Variants in CORO1C observed in about 807,000 individuals in gnomAD.
CORO1C encodes the protein coronin-1C.
CORO1C carries 14 observed loss-of-function variants against 51.2 expected under a neutral mutation model. The ratio of observed to expected loss-of-function variants is 0.27; its 90% confidence interval spans 0.18 to 0.43. The LOEUF (loss-of-function observed/expected upper bound fraction) is 0.43, where lower values mean the gene tolerates loss of function less well. Ranked by LOEUF, CORO1C falls within the 20% of genes least tolerant of loss-of-function variation. The pLI, the probability that CORO1C is intolerant of heterozygous loss-of-function variation, is 1.00. For synonymous variants in CORO1C, 181 were observed against 210.5 expected (o/e 0.86, Z 1.21); for missense variants, 417 against 607.8 (o/e 0.69, Z 3.30).
chr12:108,658,536 G>C lies in CORO1C; in HGVS notation c.630+202C>G, dbSNP rs1234110762. ...AAAAAGGCTACAAAGTGAGAGACTT[G>C]AGTAAAAGCTGGAAAATTTACAACT... is the stretch of plus-strand genomic sequence containing the variant. On this transcript the variant is annotated intron_variant, in intron 5 of 10. Coordinates refer to ENST00000261401, the MANE Select transcript of CORO1C (RefSeq NM_014325.4). The surrounding 1 kb of genome is among the most constrained non-coding windows in gnomAD (Gnocchi z 4.9). 6.6e-6 allele frequency among the ~76,000 whole-genome samples: 1 copy of C among 152,194 alleles called. No individual in the cohort carries two copies. The highest frequency in any genetic ancestry group is 6.5e-5 in the Admixed American group (1 of 15,270).
chr12:108,726,920 T>C (rs1043645110), intron 1 of CORO1C, among the ~76,000 whole-genome samples: 2 of 152,238 alleles, frequency 1.3e-5, no homozygotes, highest in Non-Finnish European at 2.9e-5. Flanking sequence ...CACTCAGTTT[T>C]ACATTTGAGC....
rs935385297 is a variant in CORO1C at position 108,646,722 on chromosome 12, G to C, written c.*681C>G. On this transcript the variant is annotated 3_prime_UTR_variant, in exon 11 of 11. Transcript: ENST00000261401. ...AAGACTCCATGAAATGAGAGCGGTG[G>C]TAATATGAATCCACGTGATTTTTCA... is the stretch of plus-strand genomic sequence containing the variant. 1.3e-5 allele frequency: 2 copies of C among 152,342 alleles called. No individual in the cohort carries two copies. The highest frequency in any genetic ancestry group is 2.9e-5 in the Non-Finnish European group (2 of 68,032). The allele number at this position is 152,342 out of a possible 1,614,324, so 9.4% of individuals were successfully genotyped here.
intron 1 of CORO1C, among the ~76,000 whole-genome samples, chr12:108,713,933 AAT>A (rs1439196571): frequency 2.0e-5 from 3 of 152,220 alleles, no homozygotes; most frequent in African/African-American, 4.8e-5. Flanking sequence ...ACACTTTATA[AAT>A]ATGAGTAAAA....
At chr12:108,654,582 G>T (rs1054106974) in intron 6 of CORO1C, among the ~76,000 whole-genome samples, 172 bp from the exon 7 acceptor site, 7 of 152,034 alleles carry the variant, frequency 4.6e-5, no homozygotes, top group African/African-American at 1.2e-4. Context: ...ACAGCAACAG[G>T]GATGCTAAAT....
chr12:108,678,686 C>A (rs2033997738), intron 2 of CORO1C, among the ~76,000 whole-genome samples: 1 of 136,444 alleles, frequency 7.3e-6, no homozygotes. Context: ...TCTAAATAGC[C>A]AAATTGTAAA....
intron 1 of CORO1C, among the ~76,000 whole-genome samples, chr12:108,702,151 A>AC (rs1223814399): frequency 6.6e-6 from 1 of 152,248 alleles, no homozygotes; most frequent in Non-Finnish European, 1.5e-5. Flanking sequence ...CAGCTTACAC[A>AC]GGAACAAGCT....
At chr12:108,657,015 C>T (rs555900332) in intron 6 of CORO1C, among the ~76,000 whole-genome samples, 43 of 152,038 alleles carry the variant, frequency 2.8e-4, no homozygotes, top group Middle Eastern at 3.4e-3. Context: ...GCCAAATCCC[C>T]CTCTGCAAGA....
chr12:108,714,672 A>C (rs1047189084), intron 1 of CORO1C, among the ~76,000 whole-genome samples: 3 of 152,066 alleles, frequency 2.0e-5, no homozygotes, highest in Non-Finnish European at 2.9e-5. Context: ...TGAGGGCAGG[A>C]GGATTGCTTG....
At chr12:108,706,417 A>G (rs1465590442) in intron 1 of CORO1C, among the ~76,000 whole-genome samples, 1 of 152,172 alleles carries the variant, frequency 6.6e-6, no homozygotes, top group Non-Finnish European at 1.5e-5. Flanking sequence ...ATTGTAGTAC[A>G]GGTTCTAGCC....
At chr12:108,659,434 T>C (rs1297109279) in intron 4 of CORO1C, among the ~76,000 whole-genome samples, 1 of 152,178 alleles carries the variant, frequency 6.6e-6, no homozygotes, top group African/African-American at 2.4e-5. Context: ...AGAGAACATA[T>C]ATAAACAAAA....
At chr12:108,697,559 A>T (rs2034727724) in intron 2 of CORO1C, among the ~76,000 whole-genome samples, 2 of 152,244 alleles carry the variant, frequency 1.3e-5, no homozygotes, top group African/African-American at 2.4e-5. Context: ...AAACTATTTC[A>T]TAGTTGCCAA....
intron 2 of CORO1C, among the ~76,000 whole-genome samples, chr12:108,695,593 A>C (rs1057136546): frequency 1.3e-5 from 2 of 152,184 alleles, no homozygotes; most frequent in African/African-American, 4.8e-5. Context: ...TGTTTCAGTA[A>C]ATAATCAAAG....
intron 2 of CORO1C, among the ~76,000 whole-genome samples, chr12:108,693,078 T>G (rs12579105): frequency 0.59 from 89,743 of 151,808 alleles, 27,266 homozygotes; most frequent in East Asian, 0.99. Flanking sequence ...AATTACAAGC[T>G]TGAGCCACCG....
intron 4 of CORO1C, 101 bp downstream of exon 4, chr12:108,661,928 T>C (rs2033279172): frequency 7.3e-7 from 1 of 1,360,974 alleles, no homozygotes; most frequent in Non-Finnish European, 1.0e-6. Flanking sequence ...ATAATCTGCT[T>C]TAAAACCATA....
chr12:108,693,070 T>C (rs1464264871), intron 2 of CORO1C, among the ~76,000 whole-genome samples: 2 of 152,048 alleles, frequency 1.3e-5, no homozygotes, highest in Admixed American at 6.6e-5. Flanking sequence ...AGCGCTGGAA[T>C]TACAAGCTTG....
chr12:108,694,813 T>G (rs2034620892), intron 2 of CORO1C, among the ~76,000 whole-genome samples: 1 of 152,118 alleles, frequency 6.6e-6, no homozygotes, highest in Non-Finnish European at 1.5e-5. Flanking sequence ...AAAGGCTAGG[T>G]GGAAATATAG....
chr12:108,673,370 T>G (rs1171095578), intron 3 of CORO1C, among the ~76,000 whole-genome samples: 2 of 152,212 alleles, frequency 1.3e-5, no homozygotes, highest in African/African-American at 2.4e-5. Context: ...GTGAAGAAGC[T>G]GCAGAAGAAA....
intron 1 of CORO1C, among the ~76,000 whole-genome samples, chr12:108,706,205 C>CA (rs888342573): frequency 1.5e-4 from 19 of 125,802 alleles, no homozygotes; most frequent in Non-Finnish European, 1.7e-4. Context: ...ACAAAAAAAA[C>CA]AAAAAAAAAG....
chr12:108,647,112 A>G lies in CORO1C; in HGVS notation c.*291T>C. On this transcript the variant is annotated 3_prime_UTR_variant, in exon 11 of 11. Coordinates refer to ENST00000261401, the MANE Select transcript of CORO1C (RefSeq NM_014325.4). Reference sequence around the variant, plus strand: ...TTTTCTAAAATTCAGAGTATCTGGGATTTTAAAAGTAGCACTTTTTAAAAA... The same window carrying G: ...TTTTCTAAAATTCAGAGTATCTGGGGTTTTAAAAGTAGCACTTTTTAAAAA... 1 of 273,324 alleles carries G rather than the reference A, an allele frequency of 3.7e-6. No individual in the cohort carries two copies. Among genetic ancestry groups the G allele is most frequent in the Non-Finnish European group, 6.7e-6 (1 of 148,340 alleles). 16.9% of individuals were successfully genotyped at this position (273,324 alleles called of 1,614,324 possible). A position where few individuals can be genotyped will look rare whatever the true frequency, so the allele number is the denominator to read the frequency against.
Sources: gnomAD v4.1 joint callset for allele counts (sites outside exome capture counted in the v4.1 genomes callset) on GRCh38, gnomAD v4.1.1 for gene constraint, Gnocchi (gnomAD v3.1) non-coding constraint, MANE v1.5 for transcripts, NCBI Gene and HGNC (gene_info 2026-07-23, HGNC 2026-07-21) for gene names.